TENM4: variants seen among roughly 807,000 people sequenced by gnomAD.
TENM4 encodes the protein teneurin transmembrane protein 4.
Under a neutral mutation model 243.3 loss-of-function variants are expected in TENM4, and 82 were observed. That is an observed-to-expected ratio of 0.34 (90% confidence interval 0.28 to 0.40). The LOEUF is 0.40. Ranked by LOEUF, TENM4 falls within the 10% of genes least tolerant of loss-of-function variation. TENM4 has a pLI of 1.00. For synonymous variants in TENM4, 1,412 were observed against 1,456.3 expected, an observed-to-expected ratio of 0.97 and a Z score of 0.69; for missense variants, 3,138 against 3,673.3, an observed-to-expected ratio of 0.85 and a Z score of 3.77.
chr11:79,217,325 T>C (rs143511767), intron 2 of TENM4, among the ~76,000 whole-genome samples: 52 of 152,100 alleles, frequency 3.4e-4, no homozygotes, highest in African/African-American at 1.2e-3. Context: ...CACTCACCCA[T>C]AAAAAATACT....
At chr11:78,795,031 CCTT>C (rs1857134796) in intron 15 of TENM4, among the ~76,000 whole-genome samples, 1 of 152,102 alleles carries the variant, frequency 6.6e-6, no homozygotes, top group East Asian at 1.9e-4. Flanking sequence ...GCTCTTTGGG[CCTT>C]CTTCTGTGCT....
intron 2 of TENM4, among the ~76,000 whole-genome samples, chr11:79,262,279 G>C (rs539954809): frequency 2.6e-5 from 4 of 152,300 alleles, no homozygotes; most frequent in South Asian, 4.1e-4. Flanking sequence ...AGGTTGCAAA[G>C]TGCTGTGTAG....
chr11:78,666,343 T>C (rs939857801), intron 32 of TENM4, among the ~76,000 whole-genome samples: 45 of 152,216 alleles, frequency 3.0e-4, no homozygotes, highest in Non-Finnish European at 5.9e-5. Flanking sequence ...CACACTTAAG[T>C]ATTCTTTTGC....
chr11:79,357,469 G>T (rs1339028542), intron 1 of TENM4, among the ~76,000 whole-genome samples: 1 of 152,150 alleles, frequency 6.6e-6, no homozygotes, highest in East Asian at 1.9e-4. Context: ...AATTCACCTG[G>T]GGGTGTTGTC....
chr11:78,986,025 A>G (rs145604340), intron 6 of TENM4, among the ~76,000 whole-genome samples: 2 of 152,340 alleles, frequency 1.3e-5, no homozygotes, highest in African/African-American at 4.8e-5. Flanking sequence ...GAGATGAAGC[A>G]CAATGTCTTT....
chr11:78,813,033 G>A (rs1465012884), intron 13 of TENM4, among the ~76,000 whole-genome samples: 2 of 152,228 alleles, frequency 1.3e-5, no homozygotes, highest in East Asian at 1.9e-4. Context: ...GGGACGAGAC[G>A]GTAATTCTTG....
intron 2 of TENM4, among the ~76,000 whole-genome samples, chr11:79,240,298 T>C (rs2135279645): frequency 6.6e-6 from 1 of 152,292 alleles, no homozygotes; most frequent in Non-Finnish European, 1.5e-5. Context: ...TGACATGGAC[T>C]CTACCCTAAC....
At chr11:78,958,086 T>C (rs2136518435) in intron 6 of TENM4, among the ~76,000 whole-genome samples, 1 of 152,344 alleles carries the variant, frequency 6.6e-6, no homozygotes, top group Non-Finnish European at 1.5e-5. Flanking sequence ...CTTATTGAGC[T>C]TCAGTTTCCT....
intron 18 of TENM4, among the ~76,000 whole-genome samples, chr11:78,763,239 C>G (rs1311033932): frequency 6.6e-6 from 1 of 152,156 alleles, no homozygotes; most frequent in Non-Finnish European, 1.5e-5. Context: ...CCTCATAGTT[C>G]TAAACACACA....
intron 3 of TENM4, among the ~76,000 whole-genome samples, chr11:79,153,526 A>G (rs539479680): frequency 6.6e-6 from 1 of 152,220 alleles, no homozygotes; most frequent in African/African-American, 2.4e-5. Context: ...GCACAAGACA[A>G]CCTGTCTCCC....
rs186688493 is a variant in TENM4, at chr11:79,138,987, T to C, written c.-66+9723A>G. ...ATATATAAAATATATATTATATTTC[T>C]ATAAATATATAAAATATATATTATA... On this transcript the variant is annotated intron_variant, in intron 4 of 33. Transcript: ENST00000278550. 9.6e-3 allele frequency among the ~76,000 whole-genome samples: 370 copies of C among 38,540 alleles called. 42 individuals carry two copies. Among genetic ancestry groups the C allele is most frequent in the Admixed American group, 0.011 (26 of 2,308 alleles). The allele number at this position is 38,540 out of a possible 152,430, so 25.3% of individuals were successfully genotyped here. A position where few individuals can be genotyped will look rare whatever the true frequency, so the allele number is the denominator to read the frequency against.
Position 79,229,994 on chromosome 11 carries a change from C to CTT in TENM4, c.-264-14087_-264-14086dup, listed in dbSNP as rs60636115. Among the ~76,000 whole-genome samples, 178 of 132,660 alleles carry CTT rather than the reference C, an allele frequency of 1.3e-3. No homozygotes were observed. In the Middle Eastern group the frequency reaches 0.016, roughly 12 times the overall value. The allele number at this position is 132,660 out of a possible 152,430, so 87.0% of individuals were successfully genotyped here. A position where few individuals can be genotyped will look rare whatever the true frequency, so the allele number is the denominator to read the frequency against. On this transcript the variant is annotated intron_variant, in intron 2 of 33. Coordinates refer to ENST00000278550, the MANE Select transcript of TENM4 (RefSeq NM_001098816.3). ...GCTGCATATCACCATGTTTGGCTAACTTTTTTTTTTTTTTTTTTTGTAGTA... is the reference window on the plus strand; with the variant it reads ...GCTGCATATCACCATGTTTGGCTAACTTTTTTTTTTTTTTTTTTTTTGTAGTA...
chr11:78,765,881 G>A (rs1037673410), intron 18 of TENM4, among the ~76,000 whole-genome samples: 2 of 152,200 alleles, frequency 1.3e-5, no homozygotes, highest in African/African-American at 4.8e-5. Flanking sequence ...AGCAAAGAGC[G>A]TGTAACAGTT....
At chr11:79,139,806 A>T (rs1259456109) in intron 4 of TENM4, among the ~76,000 whole-genome samples, 4 of 121,704 alleles carry the variant, frequency 3.3e-5, no homozygotes, top group East Asian at 2.2e-4. Flanking sequence ...TAAATATATA[A>T]TATATATTTT....
chr11:78,901,268 T>C (rs566102074), intron 7 of TENM4, among the ~76,000 whole-genome samples: 3 of 152,246 alleles, frequency 2.0e-5, no homozygotes, highest in African/African-American at 7.2e-5. Flanking sequence ...CAATGGTTAC[T>C]TTTGGTGACA....
chr11:78,778,275 G>T (rs550787390), intron 17 of TENM4, among the ~76,000 whole-genome samples: 2 of 145,932 alleles, frequency 1.4e-5, no homozygotes, highest in East Asian at 4.1e-4. Context: ...TAACAGATGG[G>T]CAGGGTGACA....
rs78610285 is a variant in TENM4 at position 79,225,031 on chromosome 11, C to A, written c.-264-9122G>T. 7.6e-3 allele frequency among the ~76,000 whole-genome samples: 1,160 copies of A among 152,168 alleles called. 19 individuals are homozygous for A. The highest frequency in any genetic ancestry group is 0.027 in the African/African-American group (1,109 of 41,526). ...GAAGATGCCAGGTGAAGATGGGATTCACGCTGTCCCAAGCCAAAGAAACAG... is the reference window on the plus strand; with the variant it reads ...GAAGATGCCAGGTGAAGATGGGATTAACGCTGTCCCAAGCCAAAGAAACAG... On this transcript the variant is annotated intron_variant, in intron 2 of 33. Transcript: ENST00000278550.
At chr11:78,858,269 C>T (rs1858727034) in intron 10 of TENM4, among the ~76,000 whole-genome samples, 1 of 152,230 alleles carries the variant, frequency 6.6e-6, no homozygotes, top group South Asian at 2.1e-4. Flanking sequence ...TTGGCTCTTA[C>T]CCCAGAGGAG....
intron 9 of TENM4, among the ~76,000 whole-genome samples, chr11:78,887,984 C>G (rs765557984): frequency 6.6e-5 from 10 of 152,196 alleles, no homozygotes; most frequent in Non-Finnish European, 1.2e-4. Context: ...AAACCAAGAG[C>G]TGTGCCAGTG....
Sources: allele counts gnomAD v4.1 joint callset (sites outside exome capture counted in the v4.1 genomes callset), GRCh38; gene constraint gnomAD v4.1.1; transcripts MANE v1.5; gene names NCBI Gene and HGNC (gene_info 2026-07-23, HGNC 2026-07-21).